Variants in KDM4B observed in about 807,000 individuals in gnomAD.
KDM4B encodes lysine-specific demethylase 4B.
KDM4B carries 32 observed loss-of-function variants against 125.2 expected under a neutral mutation model. The ratio of observed to expected loss-of-function variants is 0.26; its 90% CI spans 0.19 to 0.34. KDM4B has a LOEUF of 0.34. Among genes scored for constraint, KDM4B ranks in the 10% least tolerant of loss-of-function variants. KDM4B has a pLI of 1.00. For synonymous variants in KDM4B, 721 were observed against 677.9 expected, an observed-to-expected ratio of 1.06 and a Z score of -0.99; for missense variants, 1,190 against 1,577.7, an observed-to-expected ratio of 0.75 and a Z score of 4.16.
intron 3 of KDM4B, among the ~76,000 whole-genome samples, chr19:5,038,119 C>T (rs894351439): frequency 1.2e-4 from 18 of 152,314 alleles, no homozygotes; most frequent in East Asian, 5.8e-4. Context: ...GCAGATGAGC[C>T]GAAGCGGGTG....
intron 5 of KDM4B, among the ~76,000 whole-genome samples, chr19:5,043,536 G>GCT (rs2036905472): frequency 7.0e-6 from 1 of 143,608 alleles, no homozygotes; most frequent in African/African-American, 2.7e-5. Context: ...TATCCTACGT[G>GCT]GTGTTTATCG....
At chr19:5,052,522 G>A (rs190720774) in intron 6 of KDM4B, among the ~76,000 whole-genome samples, 43 of 152,238 alleles carry the variant, frequency 2.8e-4, no homozygotes, top group African/African-American at 1.0e-3. Flanking sequence ...TGGAGGCTGC[G>A]GGCCTGCTCC....
chr19:5,096,739 G>A (rs1162142089), intron 9 of KDM4B, among the ~76,000 whole-genome samples: 2 of 142,360 alleles, frequency 1.4e-5, no homozygotes, highest in African/African-American at 5.3e-5. Context: ...GAAGTGTCCC[G>A]CGGTGCCCCC....
Position 5,070,778 on chromosome 19 carries a change from C to A in KDM4B, c.627-232C>A, listed in dbSNP as rs1214625309. 1.3e-5 allele frequency: 6 copies of A among 470,088 alleles called. No homozygotes were observed. The South Asian group carries it at 1.9e-4, about 15-fold the overall frequency. 29.1% of individuals were successfully genotyped at this position (470,088 alleles called of 1,614,324 possible). On this transcript the variant is annotated intron_variant, in intron 6 of 22. Coordinates refer to ENST00000159111, the MANE Select transcript of KDM4B (RefSeq NM_015015.3). ...GCTTTCTGAGTGTGTCACAAGCCAC[C>A]GAGCCATGGTCCTCACTCCCCGCTC...
At chr19:5,058,181 C>G (rs1371668153) in intron 6 of KDM4B, among the ~76,000 whole-genome samples, 2 of 152,254 alleles carry the variant, frequency 1.3e-5, no homozygotes, top group African/African-American at 4.8e-5. Flanking sequence ...GGGTGCCCTG[C>G]AGGGGCTCAG....
intron 9 of KDM4B, among the ~76,000 whole-genome samples, chr19:5,088,664 C>CT (rs1491238304): frequency 3.0e-5 from 3 of 101,300 alleles, no homozygotes; most frequent in South Asian, 4.0e-4. Flanking sequence ...GGCCCCCCCC[C>CT]TCCCCCCCCC....
intron 11 of KDM4B, among the ~76,000 whole-genome samples, chr19:5,129,122 A>G (rs2039500732): frequency 6.6e-6 from 1 of 152,168 alleles, no homozygotes; most frequent in Admixed American, 6.5e-5. Flanking sequence ...TGTGCCTGCC[A>G]AGGACACCGT....
intron 10 of KDM4B, chr19:5,112,112 G>T: frequency 2.6e-6 from 1 of 380,478 alleles, no homozygotes; most frequent in Non-Finnish European, 4.9e-6. Context: ...AATCAGCTGG[G>T]TGTGGTGGTG....
At chr19:4,984,567 C>T (rs959696421) in intron 1 of KDM4B, among the ~76,000 whole-genome samples, 1 of 152,142 alleles carries the variant, frequency 6.6e-6, no homozygotes. Context: ...TCTCCTGTTC[C>T]GGCCTGTTCC....
Position 5,114,076 on chromosome 19 carries a change from C to T in KDM4B, c.1115+3258C>T. On this transcript the variant is annotated intron_variant, in intron 10 of 22. Coordinates refer to ENST00000159111, the MANE Select transcript of KDM4B (RefSeq NM_015015.3). The surrounding 1 kb of genome is among the most constrained non-coding windows in gnomAD (Gnocchi z 5.8). The stretch of plus-strand genomic sequence containing the variant: ...CTGCAGCCTGGCTCCTGGCGGGTGC[C>T]CTCAGCCTCCCCACTCCCGGTGGCG... 1 of 1,289,288 alleles carries T rather than the reference C, an allele frequency of 7.8e-7. No homozygotes were observed. The highest frequency in any genetic ancestry group is 1.5e-5 in the African/African-American group (1 of 65,962). 79.9% of individuals were successfully genotyped at this position (1,289,288 alleles called of 1,614,324 possible).
chr19:5,092,960 C>T (rs1015510972), intron 9 of KDM4B, among the ~76,000 whole-genome samples: 7 of 152,208 alleles, frequency 4.6e-5, no homozygotes, highest in Non-Finnish European at 7.3e-5. Flanking sequence ...CACATGTCCT[C>T]TCCCCACCCA....
At chr19:5,083,560 C>T (rs1234163690) in intron 9 of KDM4B, among the ~76,000 whole-genome samples, 1 of 152,194 alleles carries the variant, frequency 6.6e-6, no homozygotes, top group Non-Finnish European at 1.5e-5. Context: ...TTCCTGGCTG[C>T]CCCCAAGTAG....
At chr19:5,013,152 G>A (rs2035782127) in intron 1 of KDM4B, among the ~76,000 whole-genome samples, 1 of 152,350 alleles carries the variant, frequency 6.6e-6, no homozygotes, top group African/African-American at 2.4e-5. Context: ...ACCGGGCTGA[G>A]GTCTGTCCAG....
At chr19:5,118,896 CG>C (rs2039306562) in intron 10 of KDM4B, among the ~76,000 whole-genome samples, 2 of 152,106 alleles carry the variant, frequency 1.3e-5, no homozygotes, top group African/African-American at 4.8e-5. Context: ...ACGCCTGCCC[CG>C]TGAGCAGATC....
chr19:5,137,362 G>C, intron 16 of KDM4B, 24 bp downstream of exon 16: 1 of 1,548,010 alleles, frequency 6.5e-7, no homozygotes, highest in Non-Finnish European at 8.7e-7. Flanking sequence ...CGCAGCGGGG[G>C]TGGTGCTCTG....
intron 21 of KDM4B, 106 bp downstream of exon 21, chr19:5,145,008 C>G: frequency 3.4e-6 from 5 of 1,475,924 alleles, no homozygotes; most frequent in Non-Finnish European, 4.6e-6. Context: ...GCCTGGGGCA[C>G]TGGCGGGTGT....
chr19:5,040,667 C>T (rs1160957087), intron 4 of KDM4B, among the ~76,000 whole-genome samples: 2 of 152,230 alleles, frequency 1.3e-5, no homozygotes, highest in Non-Finnish European at 2.9e-5. Flanking sequence ...GTCGCCGTGC[C>T]CTCCTCTCTG....
At chr19:5,089,531 G>T (rs2038620066) in intron 9 of KDM4B, among the ~76,000 whole-genome samples, 1 of 152,154 alleles carries the variant, frequency 6.6e-6, no homozygotes, top group Non-Finnish European at 1.5e-5. Flanking sequence ...GAAAAAATAG[G>T]CTGTGGACTG....
rs912244569 is a variant in KDM4B at position 5,114,886 on chromosome 19, T to C, written c.1115+4068T>C. On this transcript the variant is annotated intron_variant, in intron 10 of 22. Coordinates refer to ENST00000159111, the MANE Select transcript of KDM4B (RefSeq NM_015015.3). The surrounding 1 kb of genome is among the most constrained non-coding windows in gnomAD (Gnocchi z 5.8). ...GACACCTGCTTCCACCTTGGAAATA[T>C]TAGTGCAGTTATCTGGACTATGTCC... Among the ~76,000 whole-genome samples, 1 of 152,238 alleles carries C rather than the reference T, an allele frequency of 6.6e-6. No individual in the cohort carries two copies. The highest frequency in any genetic ancestry group is 1.5e-5 in the Non-Finnish European group (1 of 68,038).
Sources: gnomAD v4.1 joint callset for allele counts (sites outside exome capture counted in the v4.1 genomes callset) on GRCh38, gnomAD v4.1.1 for gene constraint, Gnocchi (gnomAD v3.1) non-coding constraint, MANE v1.5 for transcripts, NCBI Gene and HGNC (gene_info 2026-07-23, HGNC 2026-07-21) for gene names.